RABGAP1L: variants seen among roughly 807,000 people sequenced by gnomAD.
RABGAP1L encodes the protein rab GTPase-activating protein 1-like.
A neutral mutation model predicts 137.7 loss-of-function variants in RABGAP1L; 63 were observed. The observed-to-expected ratio is 0.46, with a 90% CI of 0.37 to 0.56. RABGAP1L has a LOEUF of 0.56. Ranked by LOEUF, RABGAP1L falls within the 20% of genes least tolerant of loss-of-function variation. The pLI is 0.00. For synonymous variants in RABGAP1L, 431 were observed against 433.7 expected, an observed-to-expected ratio of 0.99 and a Z score of 0.08; for missense variants, 1,095 against 1,244.0, an observed-to-expected ratio of 0.88 and a Z score of 1.80.
chr1:174,979,622 CTT>C (rs1558302767), intron 23 of RABGAP1L, among the ~76,000 whole-genome samples: 1 of 152,206 alleles, frequency 6.6e-6, no homozygotes, highest in East Asian at 1.9e-4. Context: ...GGTAGGCACT[CTT>C]TTTCCTACAT....
At chr1:174,608,136 C>T (rs757615827) in intron 13 of RABGAP1L, among the ~76,000 whole-genome samples, 1 of 152,114 alleles carries the variant, frequency 6.6e-6, no homozygotes, top group Non-Finnish European at 1.5e-5. Context: ...AAAAATTTGC[C>T]CCATCCTAGC....
At chr1:174,747,286 C>G (rs1030498560) in intron 17 of RABGAP1L, among the ~76,000 whole-genome samples, 4 of 151,510 alleles carry the variant, frequency 2.6e-5, no homozygotes, top group African/African-American at 9.7e-5. Flanking sequence ...ACATGTAGTC[C>G]CAGCTACTTG....
In RABGAP1L at chr1:174,683,589, T is replaced by A; in HGVS notation, c.1892T>A (p.Leu631Gln). 1 of 1,601,234 alleles carries A rather than the reference T, an allele frequency of 6.2e-7. No homozygotes were observed. The highest frequency in any genetic ancestry group is 8.6e-7 in the Non-Finnish European group (1 of 1,168,280). Residue 631 changes from leucine to glutamine, a missense_variant, in exon 15 of 26, where the codon CTG becomes CAG. Coordinates refer to ENST00000681986, the MANE Select transcript of RABGAP1L (RefSeq NM_001366446.1). ...QGQSFLAAVL[L>Q]LHMPEEQAFC... ...CAGTCTTTTCTTGCTGCTGTATTAC[T>A]GCTGCATGTAAGTAATGGTCCGTGT...
chr1:174,972,590 C>T (rs78923360), intron 21 of RABGAP1L, among the ~76,000 whole-genome samples: 18,704 of 152,000 alleles, frequency 0.12, 1,496 homozygotes, highest in South Asian at 0.17. Flanking sequence ...CAGTGGCTCA[C>T]GCCTGTAATC....
At chr1:174,766,775 C>T (rs1685702735) in intron 18 of RABGAP1L, among the ~76,000 whole-genome samples, 1 of 152,158 alleles carries the variant, frequency 6.6e-6, no homozygotes. Context: ...CAGAGGTAAC[C>T]TGAAAAAACA....
chr1:174,891,892 A>C (rs1433420018), intron 19 of RABGAP1L, among the ~76,000 whole-genome samples: 1 of 152,258 alleles, frequency 6.6e-6, no homozygotes, highest in Non-Finnish European at 1.5e-5. Context: ...CATAGAAATA[A>C]AAACTGAAAC....
At chr1:174,928,682 T>G (rs543068747) in intron 19 of RABGAP1L, among the ~76,000 whole-genome samples, 83 of 152,258 alleles carry the variant, frequency 5.5e-4, no homozygotes, top group African/African-American at 1.9e-3. Flanking sequence ...TTTTGCAAAT[T>G]TGTTGCCTTT....
At chr1:174,847,217 G>A (rs1247577401) in intron 19 of RABGAP1L, among the ~76,000 whole-genome samples, 2 of 151,410 alleles carry the variant, frequency 1.3e-5, no homozygotes, top group Non-Finnish European at 1.5e-5. Flanking sequence ...GGAGAATTGA[G>A]TCCATTTACA....
Position 174,430,520 on chromosome 1 carries a change from C to T in RABGAP1L, c.1710+36375C>T, listed in dbSNP as rs540544842. On this transcript the variant is annotated intron_variant, in intron 13 of 25. Transcript: ENST00000681986. ...TTAATTGAACGCTAATTGCATGAAT[C>T]TGGGCACAACATGTTGGCAGTAAGT... 2.0e-5 allele frequency among the ~76,000 whole-genome samples: 3 copies of T among 152,244 alleles called. No individual in the cohort carries two copies. In the East Asian group the frequency reaches 5.8e-4, roughly 29 times the overall value.
chr1:174,318,240 C>G (rs907661366), intron 11 of RABGAP1L, among the ~76,000 whole-genome samples: 1 of 152,122 alleles, frequency 6.6e-6, no homozygotes, highest in Non-Finnish European at 1.5e-5. Context: ...CTACCTCTCC[C>G]CTTGTCTCTT....
intron 18 of RABGAP1L, among the ~76,000 whole-genome samples, chr1:174,753,450 G>A (rs550031339): frequency 6.6e-6 from 1 of 152,286 alleles, no homozygotes; most frequent in East Asian, 1.9e-4. Flanking sequence ...CTGCAACTCA[G>A]TAAGTGGATT....
chr1:174,452,446 C>T (rs1263708099), intron 13 of RABGAP1L, among the ~76,000 whole-genome samples: 1 of 152,130 alleles, frequency 6.6e-6, no homozygotes, highest in East Asian at 1.9e-4. Flanking sequence ...ACTTGTAGCT[C>T]TCTGTTTAGC....
chr1:174,654,936 C>T (rs1449210642), intron 14 of RABGAP1L, among the ~76,000 whole-genome samples: 1 of 103,106 alleles, frequency 9.7e-6, no homozygotes, highest in Non-Finnish European at 1.8e-5. Context: ...ATGTAATAAC[C>T]TTTTTTAAAC....
At chr1:174,702,815 G>A (rs887933232) in intron 17 of RABGAP1L, among the ~76,000 whole-genome samples, 1 of 151,832 alleles carries the variant, frequency 6.6e-6, no homozygotes, top group African/African-American at 2.4e-5. Context: ...TTATATTTGT[G>A]TATTTTATTG....
intron 15 of RABGAP1L, among the ~76,000 whole-genome samples, chr1:174,693,976 G>A (rs1047799287): frequency 1.1e-4 from 16 of 152,026 alleles, no homozygotes; most frequent in Non-Finnish European, 2.1e-4. Context: ...AATCGTGGAT[G>A]AAAAATATTT....
At chr1:174,686,457 C>G (rs1330795202) in intron 15 of RABGAP1L, among the ~76,000 whole-genome samples, 1 of 151,966 alleles carries the variant, frequency 6.6e-6, no homozygotes, top group African/African-American at 2.4e-5. Flanking sequence ...CCCTTGTTCC[C>G]CTTCTAAACC....
At chr1:174,757,166 C>T in intron 18 of RABGAP1L, 1 of 372,130 alleles carries the variant, frequency 2.7e-6, no homozygotes. Context: ...ATGGTTCCTC[C>T]TGCCACCTGG....
intron 18 of RABGAP1L, among the ~76,000 whole-genome samples, chr1:174,807,537 G>C (rs1410656019): frequency 6.6e-6 from 1 of 152,150 alleles, no homozygotes. Flanking sequence ...CTTATAATCT[G>C]CTTATGGCAT....
chr1:174,535,597 A>G (rs1020473930), intron 13 of RABGAP1L, among the ~76,000 whole-genome samples: 1 of 152,192 alleles, frequency 6.6e-6, no homozygotes, highest in Non-Finnish European at 1.5e-5. Flanking sequence ...GATCCTCTAT[A>G]TTTACAAATT....
Sources: allele counts gnomAD v4.1 joint callset (sites outside exome capture counted in the v4.1 genomes callset), GRCh38; gene constraint gnomAD v4.1.1; transcripts MANE v1.5; gene names NCBI Gene and HGNC (gene_info 2026-07-23, HGNC 2026-07-21).